Variants in ANKRD11 observed in about 807,000 individuals in gnomAD.
ANKRD11 encodes the protein ankyrin repeat domain 11.
ANKRD11 carries 17 observed loss-of-function variants against 195.7 expected under a neutral mutation model. That is an observed-to-expected ratio of 0.09 (90% CI 0.06 to 0.13). ANKRD11 has a LOEUF of 0.13. Among genes scored for constraint, ANKRD11 ranks in the 10% least tolerant of loss-of-function variants. The pLI, the probability that ANKRD11 is intolerant of heterozygous loss-of-function variation, is 1.00. For synonymous variants in ANKRD11, 1,953 were observed against 1,528.1 expected (o/e 1.28, Z -6.49); for missense variants, 3,735 against 3,566.1 (o/e 1.05, Z -1.21).
At chr16:89,450,205 G>A (rs746257243) in intron 1 of ANKRD11, among the ~76,000 whole-genome samples, 1 of 152,128 alleles carries the variant, frequency 6.6e-6, no homozygotes, top group South Asian at 2.1e-4. Context: ...CAAGACCTGT[G>A]CATGGAGCTG....
chr16:89,278,906 T>C, intron 9 of ANKRD11, 166 bp downstream of exon 9: 1 of 1,197,536 alleles, frequency 8.4e-7, no homozygotes, highest in African/African-American at 1.5e-5. Context: ...AGCTTCCGGC[T>C]TTTGCCTCCA....
chr16:89,340,674 GAC>G (rs2038614085), intron 2 of ANKRD11, among the ~76,000 whole-genome samples: 1 of 152,164 alleles, frequency 6.6e-6, no homozygotes, highest in Admixed American at 6.5e-5. Flanking sequence ...TACAAAAAGA[GAC>G]AATATAATTA....
chr16:89,382,729 C>G (rs1017119191), intron 2 of ANKRD11, among the ~76,000 whole-genome samples: 12 of 152,110 alleles, frequency 7.9e-5, no homozygotes, highest in African/African-American at 2.9e-4. Flanking sequence ...ATCCTCCTGC[C>G]TCGGCCTCCC....
intron 2 of ANKRD11, among the ~76,000 whole-genome samples, chr16:89,347,166 G>A (rs2038979785): frequency 6.6e-6 from 1 of 152,186 alleles, no homozygotes; most frequent in South Asian, 2.1e-4. Context: ...TTGCTGAAAT[G>A]GAAATGTGAA....
intron 1 of ANKRD11, among the ~76,000 whole-genome samples, chr16:89,428,354 T>C (rs188357025): frequency 0.016 from 2,429 of 151,632 alleles, 44 homozygotes; most frequent in South Asian, 0.059. Context: ...TGAAACCCCG[T>C]CTCTACTAAA....
chr16:89,283,888 C>T lies in ANKRD11; in HGVS notation c.2654G>A (p.Ser885Asn), dbSNP rs1260581460. Residue 885 changes from serine (S) to asparagine (N), a missense_variant, in exon 9 of 13, where the codon AGC (serine) becomes AAC (asparagine). Coordinates refer to ENST00000301030, the MANE Select transcript of ANKRD11 (RefSeq NM_013275.6). This position sits in a 1 kb window ranked among gnomAD's most constrained non-coding sequence, Gnocchi z 4.3. ...CCGGCTGTCCCGCCTCCTCTCCTTG[C>T]TGTCCTCCTTCACCGTCTCCAAGAT... Reference protein sequence around the residue: ...KLILETVKEDSKERRRDSRAR... With the variant: ...KLILETVKEDNKERRRDSRAR... The T allele has an allele frequency of 6.2e-7, 1 of 1,614,202 alleles. No individual in the cohort carries two copies. Among genetic ancestry groups the T allele is most frequent in the Non-Finnish European group, 8.5e-7 (1 of 1,180,046 alleles).
At chr16:89,470,372 G>A (rs2057035367) in intron 1 of ANKRD11, among the ~76,000 whole-genome samples, 1 of 152,134 alleles carries the variant, frequency 6.6e-6, no homozygotes, top group African/African-American at 2.4e-5. Context: ...AGGCACACAA[G>A]GGGAAACACA....
chr16:89,327,170 CCAT>C (rs2037782117), intron 2 of ANKRD11, among the ~76,000 whole-genome samples: 1 of 152,170 alleles, frequency 6.6e-6, no homozygotes, highest in Non-Finnish European at 1.5e-5. Context: ...GCTGGCTCAA[CCAT>C]CAATCAGTCA....
intron 2 of ANKRD11, among the ~76,000 whole-genome samples, chr16:89,330,994 C>A (rs1018371078): frequency 6.6e-6 from 1 of 152,228 alleles, no homozygotes; most frequent in Non-Finnish European, 1.5e-5. Context: ...CACTTTGTCG[C>A]CCAGGCTGGA....
At chr16:89,288,389 G>A (rs973252954) in intron 7 of ANKRD11, 139 bp downstream of exon 7, 14 of 1,339,646 alleles carry the variant, frequency 1.0e-5, no homozygotes, top group Middle Eastern at 2.2e-4. Context: ...GGCACAGCTC[G>A]GCCTTGAGGG....
rs1481922588 is a variant in ANKRD11, at chr16:89,280,386, C to T, written c.6156G>A (p.Glu2052=). 1 of 1,562,210 alleles carries T rather than the reference C, an allele frequency of 6.4e-7. No individual in the cohort carries two copies. Among genetic ancestry groups the T allele is most frequent in the Non-Finnish European group, 8.7e-7 (1 of 1,155,080 alleles). The change falls in exon 9 of 13, where the codon GAG becomes GAA. Residue 2052 remains glutamate (E), a synonymous_variant. Transcript: ENST00000301030. Reference sequence around the variant, plus strand: ...CGGAGGGAGGGGCGTAGGGAGCCGCCTCTGAGGTGGAGATGGCGGCGGGGA... The same window carrying T: ...CGGAGGGAGGGGCGTAGGGAGCCGCTTCTGAGGTGGAGATGGCGGCGGGGA... ...DAVPAAISTS[E]AAPYAPPSGL... is the part of the protein sequence containing the mutation.
chr16:89,335,873 G>A (rs958837858), intron 2 of ANKRD11, among the ~76,000 whole-genome samples: 1 of 152,164 alleles, frequency 6.6e-6, no homozygotes, highest in African/African-American at 2.4e-5. Flanking sequence ...TAGGAGAAAC[G>A]CAGGGCAGGA....
intron 1 of ANKRD11, among the ~76,000 whole-genome samples, chr16:89,425,721 TG>T (rs2042690141): frequency 6.6e-6 from 1 of 152,062 alleles, no homozygotes; most frequent in South Asian, 2.1e-4. Flanking sequence ...TTTTTAAGGG[TG>T]GGGTGCTATT....
Position 89,280,427 on chromosome 16 carries a change from C to A in ANKRD11, c.6115G>T (p.Asp2039Tyr). 6.3e-7 allele frequency: 1 copy of A among 1,577,962 alleles called. No homozygotes were observed. ...GCGGCGGGGACGGCGTCCACTCCGT[C>A]CTTGACGTCCTCCAGCCCCGGCTCA... ...VAEPGLEDVK[D>Y]GVDAVPAAIS... is the part of the protein sequence containing the mutation. The change falls in exon 9 of 13, where the codon GAC (aspartate) becomes TAC (tyrosine). Residue 2039 changes from aspartate to tyrosine, a missense_variant. By Grantham distance (160) the Asp-to-Tyr change is radical. Transcript: ENST00000301030.
At chr16:89,350,414 G>T (rs556586505) in intron 2 of ANKRD11, among the ~76,000 whole-genome samples, 1 of 152,024 alleles carries the variant, frequency 6.6e-6, no homozygotes, top group Non-Finnish European at 1.5e-5. Flanking sequence ...AGGAAACAAC[G>T]GACATGTCTA....
chr16:89,313,235 G>A (rs2036715426), intron 3 of ANKRD11: 2 of 1,230,928 alleles, frequency 1.6e-6, no homozygotes, highest in African/African-American at 3.1e-5. Context: ...AGCACAATGA[G>A]ACAGGGTGAC....
At chr16:89,424,861 C>CTCAAA (rs953164157) in intron 1 of ANKRD11, among the ~76,000 whole-genome samples, 1 of 152,120 alleles carries the variant, frequency 6.6e-6, no homozygotes, top group African/African-American at 2.4e-5. Context: ...ACGCACAGAA[C>CTCAAA]TCAAATCAAT....
chr16:89,465,901 G>A (rs927807743), intron 1 of ANKRD11, among the ~76,000 whole-genome samples: 12 of 152,200 alleles, frequency 7.9e-5, no homozygotes, highest in African/African-American at 2.6e-4. Flanking sequence ...TAGTAGAGAT[G>A]GGGTTTCACC....
At chr16:89,367,929 A>G (rs1204780067) in intron 2 of ANKRD11, among the ~76,000 whole-genome samples, 1 of 152,150 alleles carries the variant, frequency 6.6e-6, no homozygotes, top group African/African-American at 2.4e-5. Flanking sequence ...ACTTGAGCCC[A>G]GGAGGTCAAG....
Sources: gnomAD v4.1 joint callset for allele counts (sites outside exome capture counted in the v4.1 genomes callset) on GRCh38, gnomAD v4.1.1 for gene constraint, Gnocchi (gnomAD v3.1) non-coding constraint, MANE v1.5 for transcripts, NCBI Gene and HGNC (gene_info 2026-07-23, HGNC 2026-07-21) for gene names.